Variants in BRDT observed in about 807,000 individuals in gnomAD.
BRDT encodes bromodomain testis-specific protein.
BRDT carries 77 observed loss-of-function variants against 113.9 expected under a neutral mutation model. The observed-to-expected ratio is 0.68, with a 90% CI of 0.56 to 0.82. BRDT has a LOEUF of 0.82. Ranked by LOEUF, BRDT falls within the 40% of genes least tolerant of loss-of-function variation. BRDT has a pLI of 0.00. For missense variants in BRDT, 1,027 were observed against 1,105.4 expected (o/e 0.93, Z 1.01); for synonymous variants, 358 against 366.5 (o/e 0.98, Z 0.26).
chr1:91,981,347 T>C lies in BRDT; in HGVS notation c.1830T>C (p.Asn610=), dbSNP rs775805866. ...QELEKRLLDV[N]NQLNSRKRQT... ...TGGAAAAGCGGTTACTGGATGTTAA[T>C]AATCAGTTAAATTCTAGAAAACGTC... Residue 610 remains asparagine (N), a synonymous_variant, in exon 11 of 19, where the codon AAT becomes AAC. Transcript: ENST00000399546. 1.8e-5 allele frequency: 29 copies of C among 1,613,940 alleles called. No individual in the cohort carries two copies. The highest frequency in any genetic ancestry group is 2.2e-5 in the East Asian group (1 of 44,898).
chr1:91,977,184 T>G lies in BRDT; in HGVS notation c.760T>G (p.Leu254Val), dbSNP rs778438137. ...PIKENMPKNV[L>V]PDSQQQYNVV... ...AAAAGAAAATATGCCAAAGAATGTT[T>G]TGCCAGATTCTCAGCAACAATATAA... Residue 254 changes from leucine (L) to valine (V), a missense_variant, in exon 6 of 19, where the codon TTG becomes GTG. Physicochemically the swap from Leu to Val is conservative, Grantham distance 32. Coordinates refer to ENST00000399546, the MANE Select transcript of BRDT (RefSeq NM_207189.4). 3 of 1,614,100 alleles carry G rather than the reference T, an allele frequency of 1.9e-6. No homozygotes were observed. Among genetic ancestry groups the G allele is most frequent in the Non-Finnish European group, 2.5e-6 (3 of 1,179,998 alleles).
intron 18 of BRDT, among the ~76,000 whole-genome samples, chr1:92,005,993 A>T (rs1272497629): frequency 6.6e-6 from 1 of 152,196 alleles, no homozygotes; most frequent in Non-Finnish European, 1.5e-5. Flanking sequence ...TCTTTTATTC[A>T]TGGATTATTT....
chr1:91,953,680 T>C (rs936215689), intron 1 of BRDT, among the ~76,000 whole-genome samples: 3 of 152,060 alleles, frequency 2.0e-5, no homozygotes, highest in African/African-American at 7.2e-5. Flanking sequence ...AAAGATTCTT[T>C]TCAGAGTTCC....
chr1:92,004,377 A>C, intron 16 of BRDT, 37 bp from the exon 17 acceptor site: 1 of 1,502,486 alleles, frequency 6.7e-7, no homozygotes, highest in Non-Finnish European at 8.9e-7. Flanking sequence ...TTTGGTTAAC[A>C]TCTGTAGACA....
Position 92,002,048 on chromosome 1 carries a change from G to A in BRDT, c.2288-1G>A. On this transcript the variant is annotated splice_acceptor_variant, in intron 15 of 18. Coordinates refer to ENST00000399546, the MANE Select transcript of BRDT (RefSeq NM_207189.4). LOFTEE classifies it high-confidence loss of function. ...ACTATTCTAAAAATGTGTGCATCCA[G>A]GTGATTCTGAACAGCTCTCAAATGG... The A allele has an allele frequency of 1.2e-6, 2 of 1,602,460 alleles. No individual in the cohort carries two copies. Among genetic ancestry groups the A allele is most frequent in the Non-Finnish European group, 1.7e-6 (2 of 1,171,162 alleles).
At position 91,976,275 on chromosome 1, in the gene BRDT, A is replaced by G; in HGVS notation, c.455A>G (p.Gln152Arg). The part of the protein sequence containing the change: ...VKERIKKGTQ[Q>R]NIAVSSAKEK... The stretch of plus-strand genomic sequence containing the variant: ...GCTCATACTTTTCCAGGCACTCAAC[A>G]GAATATAGCTGTTTCTTCTGCTAAA... Residue 152 changes from glutamine (Q) to arginine (R), a missense_variant, in exon 5 of 19, where the codon CAG becomes CGG. Coordinates refer to ENST00000399546, the MANE Select transcript of BRDT (RefSeq NM_207189.4). 6.3e-7 allele frequency: 1 copy of G among 1,597,766 alleles called. No homozygotes were observed. Among genetic ancestry groups the G allele is most frequent in the African/African-American group, 1.4e-5 (1 of 74,002 alleles).
intron 12 of BRDT, among the ~76,000 whole-genome samples, chr1:91,988,437 G>C (rs779867947): frequency 6.6e-6 from 1 of 151,602 alleles, no homozygotes; most frequent in Non-Finnish European, 1.5e-5. Context: ...ATCTTGCTCT[G>C]TCATCCAGGC....
intron 3 of BRDT, 137 bp from the exon 4 acceptor site, chr1:91,968,009 T>A (rs1400823891): frequency 1.3e-6 from 1 of 787,868 alleles, no homozygotes; most frequent in Admixed American, 3.2e-5. Context: ...GCAGCTTCAC[T>A]ATTTTCTAAA....
chr1:91,997,140 A>G (rs1686422612), intron 15 of BRDT, among the ~76,000 whole-genome samples: 2 of 152,158 alleles, frequency 1.3e-5, no homozygotes, highest in African/African-American at 2.4e-5. Context: ...GAAGGAAATC[A>G]AAAGTATCAC....
At chr1:91,964,998 C>A (rs1475175931) in intron 3 of BRDT, among the ~76,000 whole-genome samples, 5 of 150,780 alleles carry the variant, frequency 3.3e-5, no homozygotes, top group African/African-American at 1.2e-4. Context: ...CAACCTCTGC[C>A]CCCAGGTTCA....
intron 4 of BRDT, among the ~76,000 whole-genome samples, chr1:91,969,829 T>TG (rs201791260): frequency 2.8e-4 from 40 of 144,264 alleles, no homozygotes; most frequent in Admixed American, 5.6e-4. Context: ...GTGTGTTTTT[T>TG]TTTTTTTTTT....
At chr1:91,968,433 T>A (rs1683287003) in intron 4 of BRDT, among the ~76,000 whole-genome samples, 173 bp downstream of exon 4, 1 of 152,184 alleles carries the variant, frequency 6.6e-6, no homozygotes, top group Non-Finnish European at 1.5e-5. Flanking sequence ...CAAGGATGGG[T>A]ATCATTCAAG....
intron 12 of BRDT, among the ~76,000 whole-genome samples, chr1:91,987,626 G>A (rs1685375008): frequency 1.3e-5 from 2 of 152,036 alleles, no homozygotes; most frequent in African/African-American, 4.8e-5. Context: ...GATTACAGGC[G>A]TGAGCCACTG....
At chr1:91,980,518 A>C (rs911683638) in intron 8 of BRDT, 125 bp from the exon 9 acceptor site, 19 of 821,102 alleles carry the variant, frequency 2.3e-5, no homozygotes, top group Non-Finnish European at 3.3e-5. Flanking sequence ...TAAAAACTTG[A>C]AGGAAATGTA....
intron 15 of BRDT, among the ~76,000 whole-genome samples, chr1:91,996,702 A>G (rs753527346): frequency 5.3e-5 from 8 of 152,256 alleles, no homozygotes; most frequent in Non-Finnish European, 1.0e-4. Flanking sequence ...TGTAGAAAGC[A>G]TGTGGATATA....
chr1:91,987,011 A>T (rs1685313963), intron 12 of BRDT, among the ~76,000 whole-genome samples: 1 of 150,000 alleles, frequency 6.7e-6, no homozygotes, highest in Non-Finnish European at 1.5e-5. Flanking sequence ...GATCTCAGCT[A>T]ACTGCAAACT....
intron 12 of BRDT, among the ~76,000 whole-genome samples, chr1:91,983,084 C>T (rs918793213): frequency 6.6e-6 from 1 of 152,002 alleles, no homozygotes; most frequent in Non-Finnish European, 1.5e-5. Flanking sequence ...CAATATAATA[C>T]AGAGTTTTCA....
At chr1:92,008,012 G>A (rs1270319895) in intron 18 of BRDT, among the ~76,000 whole-genome samples, 1 of 152,070 alleles carries the variant, frequency 6.6e-6, no homozygotes, top group East Asian at 1.9e-4. Flanking sequence ...CCACCTCCCT[G>A]GTTCAAGTGA....
chr1:91,977,503 C>CAA, intron 6 of BRDT, 110 bp downstream of exon 6: 1 of 943,988 alleles, frequency 1.1e-6, no homozygotes, highest in Non-Finnish European at 1.6e-6. Flanking sequence ...TAAGATCATC[C>CAA]AAGTCACACT....
Sources: gnomAD v4.1 joint callset for allele counts (sites outside exome capture counted in the v4.1 genomes callset) on GRCh38, gnomAD v4.1.1 for gene constraint, MANE v1.5 for transcripts, NCBI Gene and HGNC (gene_info 2026-07-23, HGNC 2026-07-21) for gene names.